Variants in NLRC5 observed in about 807,000 individuals in gnomAD.
NLRC5 encodes NLR family CARD domain containing 5.
In NLRC5, 114 loss-of-function variants were observed where a neutral mutation model predicts 206.9. The ratio of observed to expected loss-of-function variants is 0.55; its 90% CI spans 0.47 to 0.64. The LOEUF is 0.64. Ranked by LOEUF, NLRC5 falls within the 30% of genes least tolerant of loss-of-function variation. NLRC5 has a pLI of 0.00. For synonymous variants in NLRC5, 952 were observed against 962.8 expected, an observed-to-expected ratio of 0.99 and a Z score of 0.21; for missense variants, 2,008 against 2,305.5, an observed-to-expected ratio of 0.87 and a Z score of 2.64.
At chr16:56,994,994 G>C (rs2057423932) in intron 1 of NLRC5, among the ~76,000 whole-genome samples, 1 of 152,174 alleles carries the variant, frequency 6.6e-6, no homozygotes, top group South Asian at 2.1e-4. Flanking sequence ...GGCCAACATG[G>C]AGAAGCCCCG....
In NLRC5 at chr16:57,059,377, G is replaced by T. The variant is rs116324558; in HGVS notation, c.3921-90G>T. The T allele has an allele frequency of 3.2e-3, 4,879 of 1,533,544 alleles. 145 individuals are homozygous for T. In the African/African-American group the frequency reaches 0.061, roughly 19 times the overall value. The allele number at this position is 1,533,544 out of a possible 1,614,324, so 95.0% of individuals were successfully genotyped here. ...CCCTTGTCCTTGTGGGTGCAGCCCC[G>T]CTTCCCTCTCTGTGCCCTGTGGGTG... On this transcript the variant is annotated intron_variant, in intron 29 of 48. Transcript: ENST00000688547.
chr16:57,055,207 G>T, intron 26 of NLRC5, 113 bp downstream of exon 26: 2 of 1,164,014 alleles, frequency 1.7e-6, no homozygotes. Flanking sequence ...CATTCCCCTG[G>T]AACAACCCTG....
At position 57,077,649 on chromosome 16, in the gene NLRC5, C is replaced by T. The variant is rs2145087753; in HGVS notation, c.4920-70C>T. Reference sequence around the variant, plus strand: ...GGCCCCCTGAAGCAGGGGTGGCAGACCCAGCAGATGTGCTGGGGTGTCGGG... The same window carrying T: ...GGCCCCCTGAAGCAGGGGTGGCAGATCCAGCAGATGTGCTGGGGTGTCGGG... On this transcript the variant is annotated intron_variant, in intron 41 of 48. Coordinates refer to ENST00000688547, the MANE Select transcript of NLRC5 (RefSeq NM_001384950.1). The T allele has an allele frequency of 7.5e-6, 11 of 1,460,794 alleles. No individual in the cohort carries two copies. In the South Asian group the frequency reaches 1.2e-4, roughly 16 times the overall value. The allele number at this position is 1,460,794 out of a possible 1,614,324, so 90.5% of individuals were successfully genotyped here.
chr16:57,061,531 C>T lies in NLRC5; in HGVS notation c.4070C>T (p.Thr1357Met), dbSNP rs750409139. The change falls in exon 31 of 49, where the codon ACG becomes ATG. Residue 1357 changes from threonine (T) to methionine (M), a missense_variant and splice_region_variant. Physicochemically the swap from Thr to Met is moderately conservative, Grantham distance 81. Transcript: ENST00000688547. ...AAGTCCCTGCAGCTGACGGAGCTCA[C>T]GTGAGTGACCCACCCAGCCCGTGAG... Reference protein sequence around the residue: ...LSKSLQLTELTLTQCCLGQKQ... With the variant: ...LSKSLQLTELMLTQCCLGQKQ... 3.7e-6 allele frequency: 6 copies of T among 1,609,656 alleles called. No homozygotes were observed. In the Middle Eastern group the frequency reaches 4.9e-4, roughly 133 times the overall value.
chr16:57,055,089 C>T lies in NLRC5; in HGVS notation c.3654C>T (p.Cys1218=). 6.2e-7 allele frequency: 1 copy of T among 1,614,118 alleles called. No homozygotes were observed. The highest frequency in any genetic ancestry group is 8.5e-7 in the Non-Finnish European group (1 of 1,180,006). Residue 1218 remains cysteine, a synonymous_variant, in exon 26 of 49, where the codon TGC becomes TGT. Transcript: ENST00000688547. ...CCAACGAGGAGGAGGAAGGCGTGTG[C>T]TGTGGGTAAGCCCCCTTGAACCATG... ...FRSNEEEEGV[C]CGRFTGCSLS...
intron 13 of NLRC5, chr16:57,034,889 A>G (rs1293903456): frequency 6.6e-6 from 1 of 152,322 alleles, no homozygotes; most frequent in African/African-American, 2.4e-5. Flanking sequence ...CCAAGTGAAC[A>G]TGAAGGCAGA....
In NLRC5 at chr16:57,026,378, G is replaced by A. The variant is rs763777727; in HGVS notation, c.1435G>A (p.Asp479Asn). Residue 479 changes from aspartate (D) to asparagine (N), a missense_variant, in exon 6 of 49, where the codon GAT becomes AAT. By Grantham distance (23) the Asp-to-Asn change is conservative. Coordinates refer to ENST00000688547, the MANE Select transcript of NLRC5 (RefSeq NM_001384950.1). The stretch of plus-strand genomic sequence containing the variant: ...AGGGAAGGTTATCTTCTATGCAAAA[G>A]ATATTGCTCCACCCTTGATAGCTTT... ...ETGKVIFYAK[D>N]IAPPLIAFGA... 1 of 1,614,024 alleles carries A rather than the reference G, an allele frequency of 6.2e-7. No individual in the cohort carries two copies. The highest frequency in any genetic ancestry group is 8.5e-7 in the Non-Finnish European group (1 of 1,180,046).
At chr16:57,069,743 T>G (rs758766498) in intron 36 of NLRC5, 93 bp from the exon 37 acceptor site, 1 of 981,566 alleles carries the variant, frequency 1.0e-6, no homozygotes, top group Non-Finnish European at 1.6e-6. Context: ...GCCACATCCC[T>G]ACCCCACATC....
intron 1 of NLRC5, among the ~76,000 whole-genome samples, chr16:56,993,146 C>CAG (rs2057158081): frequency 6.6e-6 from 1 of 151,386 alleles, no homozygotes; most frequent in African/African-American, 2.4e-5. Context: ...CACACACACA[C>CAG]ACACACATAT....
chr16:57,007,775 C>A (rs2059082443), intron 1 of NLRC5, among the ~76,000 whole-genome samples: 1 of 151,866 alleles, frequency 6.6e-6, no homozygotes, highest in African/African-American at 2.4e-5. Flanking sequence ...TTTTGTAAAC[C>A]TTTTATGTTC....
At position 57,082,531 on chromosome 16, in the gene NLRC5, GC is replaced by G. The variant is rs760696723; in HGVS notation, c.*8del. On this transcript the variant is annotated 3_prime_UTR_variant, in exon 49 of 49. Coordinates refer to ENST00000688547, the MANE Select transcript of NLRC5 (RefSeq NM_001384950.1). ...CCCAGGCCCCTTGGGGTACTTGATG[GC>G]CCCCTCAAGACCTTTGGAATCCAGC... 6.2e-7 allele frequency: 1 copy of G among 1,602,874 alleles called. No homozygotes were observed. Among genetic ancestry groups the G allele is most frequent in the Non-Finnish European group, 8.5e-7 (1 of 1,170,266 alleles).
intron 25 of NLRC5, 21 bp downstream of exon 25, chr16:57,054,861 G>A: frequency 6.2e-7 from 1 of 1,609,926 alleles, no homozygotes; most frequent in Non-Finnish European, 8.5e-7. Flanking sequence ...CCCTGGGACA[G>A]CCAGGACTCG....
chr16:57,059,895 G>T (rs1438489659), intron 30 of NLRC5, among the ~76,000 whole-genome samples: 1 of 152,070 alleles, frequency 6.6e-6, no homozygotes, highest in African/African-American at 2.4e-5. Flanking sequence ...TGTGGCCCTG[G>T]ACAAGTAAAA....
At position 57,076,916 on chromosome 16, in the gene NLRC5, T is replaced by C; in HGVS notation, c.4835+14T>C. ...AGAGGAGCTGGAGTGAGTTGCCCATTCTGCCCCCAGACCCAGGACAATTTT... is the reference window on the plus strand; with the variant it reads ...AGAGGAGCTGGAGTGAGTTGCCCATCCTGCCCCCAGACCCAGGACAATTTT... On this transcript the variant is annotated intron_variant, in intron 40 of 48. Transcript: ENST00000688547. 6.2e-7 allele frequency: 1 copy of C among 1,612,674 alleles called. No homozygotes were observed. The highest frequency in any genetic ancestry group is 8.5e-7 in the Non-Finnish European group (1 of 1,179,146).
At chr16:57,012,346 AT>A (rs1403240038) in intron 1 of NLRC5, among the ~76,000 whole-genome samples, 1 of 151,924 alleles carries the variant, frequency 6.6e-6, no homozygotes, top group African/African-American at 2.4e-5. Flanking sequence ...GTAGATGTAT[AT>A]TTTCATTTCT....
intron 24 of NLRC5, among the ~76,000 whole-genome samples, 196 bp downstream of exon 24, chr16:57,051,817 C>T (rs2064953363): frequency 6.6e-6 from 1 of 151,784 alleles, no homozygotes; most frequent in African/African-American, 2.4e-5. Context: ...AATCTGCTTC[C>T]AGCTCCACCC....
chr16:57,042,467 A>T, intron 19 of NLRC5, among the ~76,000 whole-genome samples: 1 of 151,976 alleles, frequency 6.6e-6, no homozygotes, highest in South Asian at 2.1e-4. Flanking sequence ...ACCAGAGAGG[A>T]CACTCAAGCA....
intron 24 of NLRC5, among the ~76,000 whole-genome samples, chr16:57,053,888 C>A (rs762216566): frequency 6.6e-6 from 1 of 151,890 alleles, no homozygotes; most frequent in Non-Finnish European, 1.5e-5. Flanking sequence ...TTGGGAGATA[C>A]GAGTGGAAAT....
rs775863036 is a variant in NLRC5, at chr16:57,046,507, G to A, written c.3249-45G>A. On this transcript the variant is annotated intron_variant, in intron 21 of 48. Coordinates refer to ENST00000688547, the MANE Select transcript of NLRC5 (RefSeq NM_001384950.1). ...GGTATATGGGCTGGGCTGGGAGTCC[G>A]AGGGGGTGATCTGAACTTTCCTTTC... The A allele has an allele frequency of 2.0e-5, 31 of 1,548,198 alleles. No homozygotes were observed. The South Asian group carries it at 2.0e-4, about 10-fold the overall frequency.
Sources: gnomAD v4.1 joint callset for allele counts (sites outside exome capture counted in the v4.1 genomes callset) on GRCh38, gnomAD v4.1.1 for gene constraint, MANE v1.5 for transcripts, NCBI Gene and HGNC (gene_info 2026-07-23, HGNC 2026-07-21) for gene names.